The following ZFPM2 variants were observed in gnomAD, a reference collection of about 807,000 sequenced individuals.
ZFPM2 encodes zinc finger protein, FOG family member 2, also known as zinc finger protein ZFPM2.
In ZFPM2, 20 loss-of-function variants were observed where a neutral mutation model predicts 98.6. The ratio of observed to expected loss-of-function variants is 0.20; its 90% CI spans 0.14 to 0.29. The LOEUF is 0.29. Ranked by LOEUF, ZFPM2 falls within the 10% of genes least tolerant of loss-of-function variation. The probability of loss-of-function intolerance (pLI) is 1.00; values close to 1 mark genes in which losing one functional copy is unlikely to be tolerated. For missense variants in ZFPM2, 1,310 were observed against 1,388.6 expected (o/e 0.94, Z 0.90); for synonymous variants, 518 against 502.7 (o/e 1.03, Z -0.41).
At position 105,436,264 on chromosome 8, in the gene ZFPM2, A is replaced by C. The variant is rs554880368; in HGVS notation, c.200-8016A>C. On this transcript the variant is annotated intron_variant, in intron 2 of 7. Transcript: ENST00000407775. ...CCTGGGCGCGGTGGCTCACACCTGT[A>C]ATCCCAGCACTTTGGGAGGCTGAAG... Among the ~76,000 whole-genome samples, 3 of 152,248 alleles carry C rather than the reference A, an allele frequency of 2.0e-5. No individual in the cohort carries two copies. In the East Asian group the frequency reaches 5.8e-4, roughly 29 times the overall value.
intron 3 of ZFPM2, among the ~76,000 whole-genome samples, chr8:105,444,592 TC>T (rs539072796): frequency 9.2e-5 from 14 of 152,338 alleles, no homozygotes; most frequent in Admixed American, 6.5e-4. Context: ...GCTTGAAGTT[TC>T]TGTCATTTTT....
chr8:105,579,049 A>G (rs965641496), intron 4 of ZFPM2, among the ~76,000 whole-genome samples: 1 of 152,136 alleles, frequency 6.6e-6, no homozygotes, highest in African/African-American at 2.4e-5. Context: ...TCTGTGGCAT[A>G]TAATGACACG....
At chr8:105,573,044 G>A (rs1343632320) in intron 4 of ZFPM2, among the ~76,000 whole-genome samples, 1 of 152,048 alleles carries the variant, frequency 6.6e-6, no homozygotes, top group Admixed American at 6.6e-5. Context: ...CTCCCACAAG[G>A]CTTCAATCAA....
chr8:105,755,985 T>C (rs1457607805), intron 5 of ZFPM2, among the ~76,000 whole-genome samples: 1 of 152,282 alleles, frequency 6.6e-6, no homozygotes, highest in African/African-American at 2.4e-5. Flanking sequence ...ATATTCTCCC[T>C]GGAAACAATT....
At chr8:105,581,621 C>G (rs1042244955) in intron 4 of ZFPM2, among the ~76,000 whole-genome samples, 4 of 152,146 alleles carry the variant, frequency 2.6e-5, no homozygotes, top group African/African-American at 9.7e-5. Flanking sequence ...AAAAAGACAA[C>G]TGAAATGCAC....
intron 1 of ZFPM2, among the ~76,000 whole-genome samples, chr8:105,345,402 A>G (rs1812502701): frequency 7.0e-6 from 1 of 143,756 alleles, no homozygotes; most frequent in Admixed American, 7.1e-5. Flanking sequence ...CTGCGCTGAC[A>G]TATCTAGCTT....
intron 1 of ZFPM2, among the ~76,000 whole-genome samples, chr8:105,389,553 T>G (rs1406894857): frequency 6.6e-6 from 1 of 152,150 alleles, no homozygotes; most frequent in Admixed American, 6.5e-5. Context: ...TTCTACTACA[T>G]TGTTATTCTC....
intron 5 of ZFPM2, among the ~76,000 whole-genome samples, chr8:105,684,000 G>A (rs56025637): frequency 2.6e-5 from 4 of 152,082 alleles, no homozygotes; most frequent in Non-Finnish European, 5.9e-5. Flanking sequence ...ATAGGACAAA[G>A]AACATAAAAC....
intron 4 of ZFPM2, among the ~76,000 whole-genome samples, chr8:105,631,698 A>C (rs1393421670): frequency 6.6e-6 from 1 of 152,152 alleles, no homozygotes; most frequent in Non-Finnish European, 1.5e-5. Context: ...TGTATCCTTC[A>C]CCAAAAAAGA....
At chr8:105,385,365 G>A (rs1322455942) in intron 1 of ZFPM2, among the ~76,000 whole-genome samples, 2 of 152,186 alleles carry the variant, frequency 1.3e-5, no homozygotes, top group Non-Finnish European at 2.9e-5. Context: ...CTTCTCTTGA[G>A]CAACTACTTT....
At chr8:105,506,939 G>C (rs1314828693) in intron 3 of ZFPM2, among the ~76,000 whole-genome samples, 1 of 144,444 alleles carries the variant, frequency 6.9e-6, no homozygotes, top group Non-Finnish European at 1.5e-5. Context: ...AGTGAGCCAA[G>C]ATTGCGCCAC....
At chr8:105,440,475 AG>A (rs1171456823) in intron 2 of ZFPM2, among the ~76,000 whole-genome samples, 1 of 152,156 alleles carries the variant, frequency 6.6e-6, no homozygotes, top group East Asian at 1.9e-4. Flanking sequence ...AAGTAGCATA[AG>A]AAGTTGGGAA....
Position 105,801,267 on chromosome 8 carries a change from T to G in ZFPM2, c.1185T>G (p.Ser395Arg). 6.2e-7 allele frequency: 1 copy of G among 1,613,810 alleles called. No individual in the cohort carries two copies. The highest frequency in any genetic ancestry group is 1.1e-5 in the South Asian group (1 of 91,076). ...HVPSGKLPRE[S>R]DMEHSPSATE... ...CTAGCGGCAAACTTCCCAGAGAAAG[T>G]GACATGGAACACTCTCCAAGTGCAA... is the stretch of plus-strand genomic sequence containing the variant. Residue 395 changes from serine (S) to arginine (R), a missense_variant, in exon 8 of 8, where the codon AGT becomes AGG. Coordinates refer to ENST00000407775, the MANE Select transcript of ZFPM2 (RefSeq NM_012082.4).
intron 3 of ZFPM2, among the ~76,000 whole-genome samples, chr8:105,510,398 GTTTTT>G (rs756888707): frequency 7.2e-6 from 1 of 138,872 alleles, no homozygotes; most frequent in African/African-American, 2.6e-5. Flanking sequence ...GTCTGTGCAT[GTTTTT>G]TTTTTTTTTG....
chr8:105,319,288 G>C (rs898429659), intron 1 of ZFPM2, among the ~76,000 whole-genome samples: 1 of 152,168 alleles, frequency 6.6e-6, no homozygotes, highest in Non-Finnish European at 1.5e-5. Context: ...CGGCGCTGTC[G>C]TCCAGCCGGA....
intron 5 of ZFPM2, among the ~76,000 whole-genome samples, chr8:105,707,247 A>AG (rs1811284853): frequency 6.8e-6 from 1 of 148,042 alleles, no homozygotes; most frequent in Non-Finnish European, 1.5e-5. Context: ...GTCTCAAAAA[A>AG]AAAAAAAAGA....
chr8:105,356,747 C>G (rs1812754615), intron 1 of ZFPM2, among the ~76,000 whole-genome samples: 1 of 152,214 alleles, frequency 6.6e-6, no homozygotes, highest in Non-Finnish European at 1.5e-5. Context: ...CTTCCCCCGA[C>G]AGTTGATGAC....
At chr8:105,563,697 T>G (rs1418163203) in intron 4 of ZFPM2, among the ~76,000 whole-genome samples, 3 of 152,202 alleles carry the variant, frequency 2.0e-5, no homozygotes, top group East Asian at 3.9e-4. Flanking sequence ...CATCAAAGAT[T>G]GAATTAAATG....
At chr8:105,598,713 A>T (rs542375941) in intron 4 of ZFPM2, among the ~76,000 whole-genome samples, 1 of 152,254 alleles carries the variant, frequency 6.6e-6, no homozygotes, top group South Asian at 2.1e-4. Flanking sequence ...TCATAAAAAA[A>T]TCAGTTTTAA....
Sources: gnomAD v4.1 joint callset for allele counts (sites outside exome capture counted in the v4.1 genomes callset) on GRCh38, gnomAD v4.1.1 for gene constraint, MANE v1.5 for transcripts, NCBI Gene and HGNC (gene_info 2026-07-23, HGNC 2026-07-21) for gene names.